Variants in GRIA3 observed in about 807,000 individuals in gnomAD.
The protein encoded by GRIA3 is glutamate receptor 3.
In GRIA3, 3 loss-of-function variants were observed where a neutral mutation model predicts 63.0. The observed-to-expected ratio is 0.05, with a 90% CI of 0.02 to 0.12. GRIA3 has a LOEUF of 0.12. Ranked by LOEUF, GRIA3 falls within the 10% of genes least tolerant of loss-of-function variation. GRIA3 has a pLI of 1.00. For missense variants in GRIA3, 347 were observed against 700.9 expected, an observed-to-expected ratio of 0.50 and a Z score of 5.70; for synonymous variants, 274 against 257.9, an observed-to-expected ratio of 1.06 and a Z score of -0.60.
intron 2 of GRIA3, among the ~76,000 whole-genome samples, chrX:123,226,164 T>C (rs1433870497): frequency 9.0e-6 from 1 of 111,448 alleles, no homozygotes; most frequent in African/African-American, 3.3e-5. Flanking sequence ...ACATTTGAAG[T>C]GTTATCATCA....
At chrX:123,261,020 A>T (rs1256482829) in intron 3 of GRIA3, among the ~76,000 whole-genome samples, 1 of 112,105 alleles carries the variant, frequency 8.9e-6, no homozygotes, top group African/African-American at 3.2e-5. Flanking sequence ...CGATTTGCAC[A>T]TCCTTGACTG....
At chrX:123,242,567 G>A (rs773463312) in intron 2 of GRIA3, among the ~76,000 whole-genome samples, 2 of 112,575 alleles carry the variant, frequency 1.8e-5, no homozygotes, top group Non-Finnish European at 3.8e-5. Flanking sequence ...GAGATATGTG[G>A]ATGACAGAGA....
At chrX:123,450,500 A>G (rs889172961) in intron 12 of GRIA3, among the ~76,000 whole-genome samples, 5 of 112,762 alleles carry the variant, frequency 4.4e-5, no homozygotes, top group African/African-American at 1.6e-4. Flanking sequence ...CATCTATGCA[A>G]ACTTGGAATT....
chrX:123,323,088 G>A (rs2044878670), intron 3 of GRIA3, among the ~76,000 whole-genome samples: 2 of 111,840 alleles, frequency 1.8e-5, no homozygotes, highest in African/African-American at 6.5e-5. Flanking sequence ...AATCTTTATT[G>A]TTTTTGTACT....
intron 2 of GRIA3, among the ~76,000 whole-genome samples, chrX:123,193,018 T>G (rs2147248939): frequency 9.1e-6 from 1 of 110,410 alleles, no homozygotes; most frequent in South Asian, 3.9e-4. Flanking sequence ...GACCAGCTCT[T>G]ATCCATCTTT....
chrX:123,420,590 T>C (rs998037304), intron 11 of GRIA3, among the ~76,000 whole-genome samples: 3 of 111,247 alleles, frequency 2.7e-5, no homozygotes, highest in Non-Finnish European at 5.7e-5. Flanking sequence ...TAAAGAGTCA[T>C]TAAGGCTCAA....
At chrX:123,233,238 C>A (rs1273316077) in intron 2 of GRIA3, among the ~76,000 whole-genome samples, 1 of 111,588 alleles carries the variant, frequency 9.0e-6, no homozygotes, top group Non-Finnish European at 1.9e-5. Context: ...CACTACCATT[C>A]CCAGGCTTCC....
chrX:123,438,809 A>G (rs1238649042), intron 12 of GRIA3, among the ~76,000 whole-genome samples: 3 of 112,851 alleles, frequency 2.7e-5, no homozygotes, highest in South Asian at 3.6e-4. Flanking sequence ...CCGATCTGCT[A>G]TAACTTTCTA....
At chrX:123,438,377 C>T (rs1020417558) in intron 12 of GRIA3, among the ~76,000 whole-genome samples, 3 of 112,513 alleles carry the variant, frequency 2.7e-5, no homozygotes, top group African/African-American at 9.7e-5. Context: ...ATCTATTCAT[C>T]TGTTGATGAA....
rs2045283362 is a variant in GRIA3, at chrX:123,376,108, T to C, written c.751-18860T>C. ...CCTAGCATACCACTGTCCCCTTCTTTCATTCTCTATCTTATGTCCTGGATA... is the reference window on the plus strand; with the variant it reads ...CCTAGCATACCACTGTCCCCTTCTTCCATTCTCTATCTTATGTCCTGGATA... On this transcript the variant is annotated intron_variant, in intron 5 of 15. Coordinates refer to ENST00000620443, the MANE Select transcript of GRIA3 (RefSeq NM_007325.5). 2.7e-5 allele frequency among the ~76,000 whole-genome samples: 3 copies of C among 112,109 alleles called. No individual in the cohort carries two copies. In the East Asian group the frequency reaches 8.4e-4, roughly 31 times the overall value.
At chrX:123,189,442 A>AG (rs1927366943) in intron 2 of GRIA3, among the ~76,000 whole-genome samples, 1 of 112,272 alleles carries the variant, frequency 8.9e-6, no homozygotes, top group Admixed American at 9.4e-5. Context: ...TTCCTCAGGA[A>AG]ACATCGCCGA....
At chrX:123,481,756 A>G (rs1380356568) in intron 14 of GRIA3, among the ~76,000 whole-genome samples, 2 of 111,807 alleles carry the variant, frequency 1.8e-5, no homozygotes, top group Non-Finnish European at 3.8e-5. Flanking sequence ...ACCTCAAGGT[A>G]GGGCTCAAGA....
At chrX:123,414,864 T>C (rs1011540039) in intron 10 of GRIA3, among the ~76,000 whole-genome samples, 4 of 111,574 alleles carry the variant, frequency 3.6e-5, no homozygotes, top group African/African-American at 1.3e-4. Context: ...CTATTGTGAA[T>C]AGTGCCGCAA....
intron 3 of GRIA3, among the ~76,000 whole-genome samples, chrX:123,294,156 T>C (rs964414263): frequency 2.7e-5 from 3 of 110,916 alleles, no homozygotes. Flanking sequence ...ATGAGTTTGG[T>C]ACTGTTATTA....
At chrX:123,334,483 T>A (rs1248053406) in intron 4 of GRIA3, among the ~76,000 whole-genome samples, 2 of 111,588 alleles carry the variant, frequency 1.8e-5, no homozygotes, top group Non-Finnish European at 3.8e-5. Context: ...TTCAATAACA[T>A]TACTTTGAAA....
chrX:123,224,438 C>T (rs2044234459), intron 2 of GRIA3, among the ~76,000 whole-genome samples: 1 of 111,692 alleles, frequency 9.0e-6, no homozygotes, highest in African/African-American at 3.3e-5. Context: ...TTATTTCAGT[C>T]GCTACAATAA....
chrX:123,184,598 G>A lies in GRIA3; in HGVS notation c.63G>A (p.Gly21=), dbSNP rs766803300. The A allele has an allele frequency of 8.3e-7, 1 of 1,206,787 alleles. No homozygotes were observed. The highest frequency in any genetic ancestry group is 1.1e-6 in the Non-Finnish European group (1 of 893,161). ...VLRAVFFLVL[G]LLGHSHGGFP... Reference sequence around the variant, plus strand: ...GGGCGGTCTTCTTTTTAGTCCTGGGGCTTTTGGGTCATTCTCACGGAGGAT... The same window carrying A: ...GGGCGGTCTTCTTTTTAGTCCTGGGACTTTTGGGTCATTCTCACGGAGGAT... Residue 21 remains glycine (G), a synonymous_variant, in exon 1 of 16, where the codon GGG becomes GGA. Coordinates refer to ENST00000620443, the MANE Select transcript of GRIA3 (RefSeq NM_007325.5).
intron 2 of GRIA3, among the ~76,000 whole-genome samples, chrX:123,215,655 A>C (rs1320822208): frequency 8.9e-6 from 1 of 111,969 alleles, no homozygotes; most frequent in Non-Finnish European, 1.9e-5. Context: ...CACAGAGATG[A>C]AAAGGCAAGT....
At chrX:123,469,559 A>T (rs1464123425) in intron 13 of GRIA3, among the ~76,000 whole-genome samples, 1 of 112,137 alleles carries the variant, frequency 8.9e-6, no homozygotes, top group Non-Finnish European at 1.9e-5. Flanking sequence ...AGACTTGATC[A>T]TTTCTTGATG....
Sources: gnomAD v4.1 joint callset for allele counts (sites outside exome capture counted in the v4.1 genomes callset) on GRCh38, gnomAD v4.1.1 for gene constraint, MANE v1.5 for transcripts, NCBI Gene and HGNC (gene_info 2026-07-23, HGNC 2026-07-21) for gene names.